The following MYLK variants were observed in gnomAD, a reference collection of about 807,000 sequenced individuals.
MYLK encodes the protein myosin light chain kinase, smooth muscle.
Under a neutral mutation model 203.4 loss-of-function variants are expected in MYLK, and 106 were observed. The observed-to-expected ratio is 0.52, with a 90% CI of 0.45 to 0.61. MYLK has a LOEUF of 0.61. Among genes scored for constraint, MYLK ranks in the 20% least tolerant of loss-of-function variants. The pLI, the probability that MYLK is intolerant of heterozygous loss-of-function variation, is 0.00. For missense variants in MYLK, 2,072 were observed against 2,442.3 expected, an observed-to-expected ratio of 0.85 and a Z score of 3.20; for synonymous variants, 867 against 959.5, an observed-to-expected ratio of 0.90 and a Z score of 1.78.
chr3:123,815,516 G>A (rs1356773714), intron 3 of MYLK, among the ~76,000 whole-genome samples: 1 of 152,126 alleles, frequency 6.6e-6, no homozygotes, highest in Non-Finnish European at 1.5e-5. Context: ...CCTGCCAGTG[G>A]GGGCAGCTCT....
intron 2 of MYLK, among the ~76,000 whole-genome samples, chr3:123,868,221 A>G (rs920123967): frequency 1.3e-5 from 2 of 152,178 alleles, no homozygotes; most frequent in African/African-American, 2.4e-5. Context: ...CCATCCTTCT[A>G]AAGGGCTAGT....
rs41302194 is a variant in MYLK, at chr3:123,733,661, C to T, written c.1309+26G>A. ...CACCAAGGGGCTACATTTTGGCAATCGGTGACCCTAATTACCTCTACTCAC... is the reference window on the plus strand; with the variant it reads ...CACCAAGGGGCTACATTTTGGCAATTGGTGACCCTAATTACCTCTACTCAC... On this transcript the variant is annotated intron_variant, in intron 10 of 33. Transcript: ENST00000360304. 0.038 allele frequency: 62,020 copies of T among 1,612,620 alleles called. 1,377 individuals carry two copies. Among genetic ancestry groups the T allele is most frequent in the South Asian group, 0.047 (4,325 of 91,066 alleles).
chr3:123,661,011 G>C (rs904420087), intron 23 of MYLK, among the ~76,000 whole-genome samples: 7 of 152,308 alleles, frequency 4.6e-5, no homozygotes, highest in Admixed American at 4.6e-4. Flanking sequence ...CTTTGAGGGG[G>C]AGGCAGACAG....
intron 2 of MYLK, among the ~76,000 whole-genome samples, chr3:123,861,164 T>C (rs1221979100): frequency 2.7e-5 from 4 of 150,722 alleles, no homozygotes; most frequent in African/African-American, 4.9e-5. Context: ...AAAAAACTGA[T>C]TGGACACTGT....
chr3:123,669,645 A>C (rs2059846635), intron 20 of MYLK, among the ~76,000 whole-genome samples: 1 of 152,132 alleles, frequency 6.6e-6, no homozygotes, highest in African/African-American at 2.4e-5. Flanking sequence ...TGTTCATGGT[A>C]TATACATATA....
intron 8 of MYLK, chr3:123,737,101 C>A: frequency 2.2e-6 from 1 of 454,408 alleles, no homozygotes; most frequent in South Asian, 2.2e-5. Flanking sequence ...TGCCTGTAGT[C>A]CCAGCCACTC....
At position 123,640,934 on chromosome 3, in the gene MYLK, G is replaced by T. The variant is rs1380863352; in HGVS notation, c.4620-430C>A. On this transcript the variant is annotated intron_variant, in intron 27 of 33. Transcript: ENST00000360304. The surrounding 1 kb of genome is among the most constrained non-coding windows in gnomAD (Gnocchi z 4.3). ...TTCAAAATACTCACAGTTCCCACAA[G>T]CATTTGTTCTGCATAGCCAGGAACG... is the stretch of plus-strand genomic sequence containing the variant. Among the ~76,000 whole-genome samples the T allele has an allele frequency of 6.6e-6, 1 of 152,200 alleles. No individual in the cohort carries two copies. Among genetic ancestry groups the T allele is most frequent in the Non-Finnish European group, 1.5e-5 (1 of 68,028 alleles).
chr3:123,800,565 G>C (rs973728688), intron 3 of MYLK, among the ~76,000 whole-genome samples: 1 of 152,148 alleles, frequency 6.6e-6, no homozygotes, highest in South Asian at 2.1e-4. Flanking sequence ...CGTTGGTCCA[G>C]AGCCCTGGAG....
rs541754485 is a variant in MYLK, at chr3:123,642,383, T to G, written c.4620-1879A>C. ...ACTTATTACTTATCGTTTGATAAGC[T>G]GTGGTGGGCTAGGTGGATCTTGTCA... On this transcript the variant is annotated intron_variant, in intron 27 of 33. Coordinates refer to ENST00000360304, the MANE Select transcript of MYLK (RefSeq NM_053025.4). The surrounding 1 kb of genome is among the most constrained non-coding windows in gnomAD (Gnocchi z 4.2). 2.4e-4 allele frequency among the ~76,000 whole-genome samples: 37 copies of G among 152,314 alleles called. 2 individuals carry two copies. The South Asian group carries it at 7.5e-3, about 31-fold the overall frequency.
chr3:123,816,733 C>T (rs377639215), intron 3 of MYLK, among the ~76,000 whole-genome samples: 21 of 152,330 alleles, frequency 1.4e-4, no homozygotes, highest in Non-Finnish European at 2.2e-4. Context: ...ATGATGGGCA[C>T]GTGCCAGAAC....
In MYLK at chr3:123,629,714, G is replaced by A. The variant is rs1421752766; in HGVS notation, c.4962-88C>T. 20 of 1,452,814 alleles carry A rather than the reference G, an allele frequency of 1.4e-5. No homozygotes were observed. The highest frequency in any genetic ancestry group is 1.5e-5 in the Non-Finnish European group (16 of 1,040,990). 90.0% of individuals were successfully genotyped at this position (1,452,814 alleles called of 1,614,324 possible). A position where few individuals can be genotyped will look rare whatever the true frequency, so the allele number is the denominator to read the frequency against. ...GTAACTGAGGTCAAAGGCGAGGGTCGGCCAGCCTCCCCACCCCCAAACTCA... is the reference window on the plus strand; with the variant it reads ...GTAACTGAGGTCAAAGGCGAGGGTCAGCCAGCCTCCCCACCCCCAAACTCA... On this transcript the variant is annotated intron_variant, in intron 29 of 33. Transcript: ENST00000360304. The surrounding 1 kb of genome is among the most constrained non-coding windows in gnomAD (Gnocchi z 4.4).
At chr3:123,683,932 C>T (rs1003068510) in intron 19 of MYLK, among the ~76,000 whole-genome samples, 4 of 152,158 alleles carry the variant, frequency 2.6e-5, no homozygotes. Flanking sequence ...GGCAAAGGAG[C>T]CCCAGATGGC....
At chr3:123,777,783 A>G (rs2064134187) in intron 4 of MYLK, among the ~76,000 whole-genome samples, 1 of 152,150 alleles carries the variant, frequency 6.6e-6, no homozygotes, top group Non-Finnish European at 1.5e-5. Context: ...ATCTCCTGCC[A>G]CCTCTAGCAT....
At position 123,648,823 on chromosome 3, in the gene MYLK, G is replaced by T; in HGVS notation, c.4415+148C>A. ...CTGGGTGAGTGAGTGATGCTTTCGT[G>T]GGTCAGTCCTTTGGATCCTGCAGGA... On this transcript the variant is annotated intron_variant, in intron 26 of 33. Coordinates refer to ENST00000360304, the MANE Select transcript of MYLK (RefSeq NM_053025.4). This position sits in a 1 kb window ranked among gnomAD's most constrained non-coding sequence, Gnocchi z 4.5. 1 of 731,732 alleles carries T rather than the reference G, an allele frequency of 1.4e-6. No homozygotes were observed. Among genetic ancestry groups the T allele is most frequent in the Non-Finnish European group, 2.4e-6 (1 of 413,054 alleles). 45.3% of individuals were successfully genotyped at this position (731,732 alleles called of 1,614,324 possible).
intron 20 of MYLK, among the ~76,000 whole-genome samples, chr3:123,677,668 G>T (rs1364897686): frequency 6.6e-6 from 1 of 151,752 alleles, no homozygotes; most frequent in Admixed American, 6.6e-5. Flanking sequence ...TAGCCACAAA[G>T]AACATTATTA....
In MYLK at chr3:123,749,790, C is replaced by T. The variant is rs535579358; in HGVS notation, c.373+2541G>A. Among the ~76,000 whole-genome samples the T allele has an allele frequency of 2.6e-5, 4 of 152,320 alleles. No homozygotes were observed. In the South Asian group the frequency reaches 8.3e-4, roughly 32 times the overall value. On this transcript the variant is annotated intron_variant, in intron 5 of 33. Coordinates refer to ENST00000360304, the MANE Select transcript of MYLK (RefSeq NM_053025.4). ...TAAGGCTTAGGAAGGTTAATTTCTC[C>T]ATAGTTAGAAATTAGTAGAGCTAAA...
At chr3:123,822,366 T>C (rs2065966693) in intron 3 of MYLK, among the ~76,000 whole-genome samples, 1 of 152,138 alleles carries the variant, frequency 6.6e-6, no homozygotes. Context: ...GCCACTGCTG[T>C]CCCAAAGCGC....
intron 13 of MYLK, among the ~76,000 whole-genome samples, chr3:123,718,917 G>A (rs1481353894): frequency 2.0e-5 from 3 of 152,186 alleles, no homozygotes; most frequent in Non-Finnish European, 4.4e-5. Context: ...TAGGCGCGCA[G>A]TAAAGACTTG....
chr3:123,630,806 G>A (rs2058384070), intron 29 of MYLK: 1 of 152,138 alleles, frequency 6.6e-6, no homozygotes, highest in South Asian at 2.1e-4. Flanking sequence ...ATAAGGTAAA[G>A]AATTTCAAAA....
Sources: gnomAD v4.1 joint callset for allele counts (sites outside exome capture counted in the v4.1 genomes callset) on GRCh38, gnomAD v4.1.1 for gene constraint, Gnocchi (gnomAD v3.1) non-coding constraint, MANE v1.5 for transcripts, NCBI Gene and HGNC (gene_info 2026-07-23, HGNC 2026-07-21) for gene names.